The following ZNF18 variants were observed in gnomAD, a reference collection of about 807,000 sequenced individuals.
ZNF18 encodes zinc finger protein 18.
Under a neutral mutation model 58.1 loss-of-function variants are expected in ZNF18, and 42 were observed. That is an observed-to-expected ratio of 0.72 (90% CI 0.56 to 0.93). ZNF18 has a LOEUF of 0.93. Ranked by LOEUF, ZNF18 falls within the 40% of genes least tolerant of loss-of-function variation. The probability of loss-of-function intolerance (pLI) is 0.00; values close to 1 mark genes in which losing one functional copy is unlikely to be tolerated. For missense variants in ZNF18, 540 were observed against 644.2 expected (o/e 0.84, Z 1.75); for synonymous variants, 231 against 239.8 (o/e 0.96, Z 0.34).
At chr17:11,987,267 G>C (rs1438915108) in intron 4 of ZNF18, among the ~76,000 whole-genome samples, 1 of 152,224 alleles carries the variant, frequency 6.6e-6, no homozygotes, top group African/African-American at 2.4e-5. Flanking sequence ...TGGAGTCTAT[G>C]TGAGGTTCCA....
intron 2 of ZNF18, 48 bp downstream of exon 2, chr17:11,992,395 G>A (rs1213286056): frequency 1.3e-6 from 2 of 1,578,664 alleles, no homozygotes; most frequent in Admixed American, 1.8e-5. Flanking sequence ...GATGGGACCA[G>A]AGAGGAGCCC....
intron 1 of ZNF18, among the ~76,000 whole-genome samples, chr17:11,995,921 C>A (rs1968446315): frequency 6.6e-6 from 1 of 151,880 alleles, no homozygotes; most frequent in African/African-American, 2.4e-5. Flanking sequence ...TAAAGCAATA[C>A]CAAAAAACAC....
chr17:12,005,206 T>C, the ZNF18 span, among the ~76,000 whole-genome samples: 1 of 150,944 alleles, frequency 6.6e-6, no homozygotes, highest in African/African-American at 2.4e-5. Context: ...AATATATGCA[T>C]ATATATTATA....
At chr17:12,010,875 T>C in the ZNF18 span, 1 of 508,342 alleles carries the variant, frequency 2.0e-6, no homozygotes, top group South Asian at 2.3e-5. Flanking sequence ...TTGTCTTCTT[T>C]AGTTTTCTGA....
rs575846075 is a variant in ZNF18 at position 11,981,958 on chromosome 17, G to C, written c.862+1339C>G. Among the ~76,000 whole-genome samples the C allele has an allele frequency of 2.6e-5, 4 of 152,176 alleles. No individual in the cohort carries two copies. In the South Asian group the frequency reaches 8.3e-4, roughly 32 times the overall value. On this transcript the variant is annotated intron_variant, in intron 6 of 6. Coordinates refer to ENST00000580306, the MANE Select transcript of ZNF18 (RefSeq NM_001303281.2). ...GATGGGGCCTGGGGCCTTAGGGAGG[G>C]ATTAGGTCTAGATGAGGTCCTAAGG...
the ZNF18 span, chr17:12,010,980 CCTTAA>C: frequency 1.1e-5 from 8 of 728,406 alleles, no homozygotes; most frequent in Non-Finnish European, 1.8e-5. Flanking sequence ...AGAATCTTGC[CCTTAA>C]CTTGTTTGTT....
intron 5 of ZNF18, 39 bp from the exon 6 acceptor site, chr17:11,983,446 G>T: frequency 6.7e-7 from 1 of 1,493,892 alleles, no homozygotes; most frequent in South Asian, 1.1e-5. Context: ...TGGATGAATA[G>T]GGAAGACTGG....
In ZNF18 at chr17:11,978,745, C is replaced by G; in HGVS notation, c.863-1G>C. 4 of 1,570,086 alleles carry G rather than the reference C, an allele frequency of 2.5e-6. No homozygotes were observed. Among genetic ancestry groups the G allele is most frequent in the Non-Finnish European group, 3.4e-6 (4 of 1,165,504 alleles). ...TCCTTGTCATTCTCTTGTCTATCTC[C>G]TAAAAGAAGAAAGAAGATTTGAAAT... On this transcript the variant is annotated splice_acceptor_variant, in intron 6 of 6. Coordinates refer to ENST00000580306, the MANE Select transcript of ZNF18 (RefSeq NM_001303281.2). LOFTEE classifies it high-confidence loss of function.
In ZNF18 at chr17:11,981,629, G is replaced by T. The variant is rs529789324; in HGVS notation, c.862+1668C>A. Among the ~76,000 whole-genome samples, 24 of 150,618 alleles carry T rather than the reference G, an allele frequency of 1.6e-4. No individual in the cohort carries two copies. The South Asian group carries it at 4.8e-3, about 30-fold the overall frequency. On this transcript the variant is annotated intron_variant, in intron 6 of 6. Transcript: ENST00000580306. ...ATCTAATGGGACCATGTCAGCAGAG[G>T]TGGGATGAAGGAAAAACAAACAAAC...
At chr17:11,995,837 A>C (rs554824997) in intron 1 of ZNF18, among the ~76,000 whole-genome samples, 1 of 152,340 alleles carries the variant, frequency 6.6e-6, no homozygotes, top group South Asian at 2.1e-4. Context: ...GACCATATGC[A>C]TAATTTTCAA....
intron 1 of ZNF18, among the ~76,000 whole-genome samples, chr17:11,994,959 A>G (rs1968367293): frequency 6.6e-6 from 1 of 152,260 alleles, no homozygotes; most frequent in South Asian, 2.1e-4. Context: ...TAGCCTGAAG[A>G]GGACAAGGAA....
the ZNF18 span, among the ~76,000 whole-genome samples, chr17:12,011,586 A>G: frequency 6.6e-6 from 1 of 151,658 alleles, no homozygotes; most frequent in Non-Finnish European, 1.5e-5. Context: ...GGGTTTCACC[A>G]TGTTGACCAA....
At chr17:11,997,752 G>A (rs1968568871), upstream of ZNF18, among the ~76,000 whole-genome samples, 1 of 152,218 alleles carries the variant, frequency 6.6e-6, no homozygotes, top group African/African-American at 2.4e-5. Flanking sequence ...CAGGCACTCG[G>A]CCAAGCACTG....
At chr17:11,990,405 G>A (rs950518938) in intron 4 of ZNF18, 57 bp downstream of exon 4, 15 of 1,438,046 alleles carry the variant, frequency 1.0e-5, no homozygotes, top group Admixed American at 3.9e-5. Context: ...GAAGCAGGAG[G>A]ATGAGATTAT....
the ZNF18 span, among the ~76,000 whole-genome samples, chr17:12,007,321 G>A: frequency 6.7e-6 from 1 of 150,310 alleles, no homozygotes; most frequent in Non-Finnish European, 1.5e-5. Flanking sequence ...CATTAGCCAG[G>A]GATCCTTTAA....
At chr17:12,003,292 A>C in the ZNF18 span, among the ~76,000 whole-genome samples, 1 of 152,190 alleles carries the variant, frequency 6.6e-6, no homozygotes, top group Admixed American at 6.5e-5. Context: ...ACAAAAAATA[A>C]GCCAGGCATG....
the ZNF18 span, among the ~76,000 whole-genome samples, chr17:12,019,084 A>G: frequency 3.9e-5 from 6 of 152,008 alleles, no homozygotes; most frequent in Non-Finnish European, 7.4e-5. Flanking sequence ...CCTCCCTAGT[A>G]GCTGGGATTA....
At chr17:11,980,863 A>T (rs1341573333) in intron 6 of ZNF18, among the ~76,000 whole-genome samples, 1 of 152,216 alleles carries the variant, frequency 6.6e-6, no homozygotes, top group Non-Finnish European at 1.5e-5. Flanking sequence ...ATATTTTCAG[A>T]TCTAACATTC....
rs770333229 is a variant in ZNF18, at chr17:11,991,167, G to C, written c.388-4C>G. Reference sequence around the variant, plus strand: ...GTCCTAGAACCTGGATACTGATCTAGAGACCATATATTAATTAGTAATTAC... The same window carrying C: ...GTCCTAGAACCTGGATACTGATCTACAGACCATATATTAATTAGTAATTAC... On this transcript the variant is annotated splice_polypyrimidine_tract_variant and splice_region_variant and intron_variant, in intron 2 of 6. Coordinates refer to ENST00000580306, the MANE Select transcript of ZNF18 (RefSeq NM_001303281.2). 1.2e-6 allele frequency: 2 copies of C among 1,611,264 alleles called. No homozygotes were observed.
Sources: allele counts gnomAD v4.1 joint callset (sites outside exome capture counted in the v4.1 genomes callset), GRCh38; gene constraint gnomAD v4.1.1; transcripts MANE v1.5; gene names NCBI Gene and HGNC (gene_info 2026-07-23, HGNC 2026-07-21).